VARS2: variants seen among roughly 807,000 people sequenced by gnomAD.
VARS2 encodes the protein valine--tRNA ligase, mitochondrial.
VARS2 carries 105 observed loss-of-function variants against 154.1 expected under a neutral mutation model. The ratio of observed to expected loss-of-function variants is 0.68; its 90% CI spans 0.58 to 0.80. The LOEUF (loss-of-function observed/expected upper bound fraction) is 0.80, where lower values mean the gene tolerates loss of function less well. Ranked by LOEUF, VARS2 falls within the 30% of genes least tolerant of loss-of-function variation. The pLI, the probability that VARS2 is intolerant of heterozygous loss-of-function variation, is 0.00. For synonymous variants in VARS2, 483 were observed against 539.5 expected (o/e 0.90, Z 1.45); for missense variants, 1,157 against 1,361.4 (o/e 0.85, Z 2.36).
Position 30,924,532 on chromosome 6 carries a change from T to G in VARS2, c.2645T>G (p.Val882Gly). The part of the protein sequence containing the change: ...PGCPPAPSIS[V>G]APYPSACSLE... ...TGCCCCCCTGCCCCCAGCATCTCGG[T>G]TGCCCCCTACCCCAGCGCCTGCAGC... Residue 882 changes from valine (V) to glycine (G), a missense_variant, in exon 26 of 30, where the codon GTT becomes GGT. Val to Gly is a moderately radical substitution (Grantham distance 109). Coordinates refer to ENST00000676266, the MANE Select transcript of VARS2 (RefSeq NM_020442.6). 6.4e-7 allele frequency: 1 copy of G among 1,570,338 alleles called. No individual in the cohort carries two copies. The highest frequency in any genetic ancestry group is 8.7e-7 in the Non-Finnish European group (1 of 1,154,140).
rs539596272 is a variant in VARS2, at chr6:30,917,054, G to C, written c.754-51G>C. The stretch of plus-strand genomic sequence containing the variant: ...AAGCAATGCCTGGGTCCCTGAGCAG[G>C]GTGATGGGCTGAGAAGTGGCTCTTA... On this transcript the variant is annotated intron_variant, in intron 8 of 29. Transcript: ENST00000676266. The surrounding 1 kb of genome is among the most constrained non-coding windows in gnomAD (Gnocchi z 4.4). 1 of 1,613,978 alleles carries C rather than the reference G, an allele frequency of 6.2e-7. No individual in the cohort carries two copies. The highest frequency in any genetic ancestry group is 8.5e-7 in the Non-Finnish European group (1 of 1,179,862).
chr6:30,921,263 C>T lies in VARS2; in HGVS notation c.1590C>T (p.Gly530=). 1 of 1,614,066 alleles carries T rather than the reference C, an allele frequency of 6.2e-7. No homozygotes were observed. Among genetic ancestry groups the T allele is most frequent in the Non-Finnish European group, 8.5e-7 (1 of 1,180,014 alleles). The part of the protein sequence containing the change: ...DWCVSRQLWW[G]HQIPAYLVVE... ...GTGTCTCCCGGCAGCTGTGGTGGGGCCATCAGATTCCAGCCTACCTGGTTG... is the reference window on the plus strand; with the variant it reads ...GTGTCTCCCGGCAGCTGTGGTGGGGTCATCAGATTCCAGCCTACCTGGTTG... The change falls in exon 17 of 30, where the codon GGC becomes GGT. Residue 530 remains glycine (G), a synonymous_variant. Transcript: ENST00000676266. The surrounding 1 kb of genome is among the most constrained non-coding windows in gnomAD (Gnocchi z 4.6).
chr6:30,915,502 T>C (rs553433480), intron 4 of VARS2, 47 bp downstream of exon 4: 6 of 1,578,440 alleles, frequency 3.8e-6, no homozygotes, highest in Non-Finnish European at 5.2e-6. Flanking sequence ...CAGGACAGAG[T>C]GGCCCTTGAA....
intron 21 of VARS2, 21 bp downstream of exon 21, chr6:30,922,575 A>G (rs765041909): frequency 3.2e-6 from 5 of 1,558,480 alleles, no homozygotes; most frequent in Non-Finnish European, 2.6e-6. Flanking sequence ...AGCACCCACT[A>G]GAGGGACAAG....
chr6:30,923,199 G>C lies in VARS2; in HGVS notation c.2281G>C (p.Gly761Arg). ...TCTTCGCTTTATCCTCAATGCTTTA[G>C]GGGAGAAATTTGTGCCACAGCCTGC... ...NALRFILNAL[G>R]EKFVPQPAEE... Residue 761 changes from glycine (G) to arginine (R), a missense_variant, in exon 24 of 30, where the codon GGG becomes CGG. By Grantham distance (125) the Gly-to-Arg change is moderately radical. Transcript: ENST00000676266. 1 of 1,613,124 alleles carries C rather than the reference G, an allele frequency of 6.2e-7. No individual in the cohort carries two copies. The highest frequency in any genetic ancestry group is 1.3e-5 in the African/African-American group (1 of 75,060).
In VARS2 at chr6:30,925,585, G is replaced by A. The variant is rs1313548087; in HGVS notation, c.2827G>A (p.Glu943Lys). The A allele has an allele frequency of 3.1e-6, 5 of 1,609,082 alleles. No homozygotes were observed. The highest frequency in any genetic ancestry group is 4.2e-6 in the Non-Finnish European group (5 of 1,178,780). The change falls in exon 28 of 30, where the codon GAG (glutamate) becomes AAG (lysine). Residue 943 changes from glutamate (E) to lysine (K), a missense_variant. Physicochemically the swap from Glu to Lys is moderately conservative, Grantham distance 56 (BLOSUM62 1). Transcript: ENST00000676266. ...SSEPGDQGLF[E>K]AFLEPLGTLG... ...AGAGCCTGGGGACCAGGGCCTCTTC[G>A]AGGCCTTCTTGGAGCCCCTGGGCAC...
intron 4 of VARS2, 123 bp downstream of exon 4, chr6:30,915,578 C>G: frequency 6.9e-7 from 1 of 1,442,614 alleles, no homozygotes; most frequent in Non-Finnish European, 9.4e-7. Flanking sequence ...CTGGTGTCTC[C>G]AAAGATTTCT....
At chr6:30,925,195 G>T in intron 26 of VARS2, 79 bp from the exon 27 acceptor site, 1 of 1,057,454 alleles carries the variant, frequency 9.5e-7, no homozygotes, top group Non-Finnish European at 1.4e-6. Flanking sequence ...GGGTGGATGG[G>T]TCGAGAAGAG....
intron 25 of VARS2, 97 bp downstream of exon 25, chr6:30,923,602 A>T: frequency 6.6e-7 from 1 of 1,506,360 alleles, no homozygotes; most frequent in Non-Finnish European, 8.9e-7. Flanking sequence ...TAAGTTCCCA[A>T]TTGTCCCCTC....
Position 30,917,234 on chromosome 6 carries a change from A to C in VARS2, c.873+10A>C, listed in dbSNP as rs1794236156. 6.2e-7 allele frequency: 1 copy of C among 1,613,962 alleles called. No individual in the cohort carries two copies. Among genetic ancestry groups the C allele is most frequent in the Non-Finnish European group, 8.5e-7 (1 of 1,180,040 alleles). On this transcript the variant is annotated intron_variant, in intron 9 of 29. Coordinates refer to ENST00000676266, the MANE Select transcript of VARS2 (RefSeq NM_020442.6). The surrounding 1 kb of genome is among the most constrained non-coding windows in gnomAD (Gnocchi z 4.4). ...CATCTCGGACATTGAGGTGAGGCGG[A>C]GAGAGGGAAGCAGGTTTGTGAGAGC...
chr6:30,923,833 G>C, intron 25 of VARS2: 1 of 411,438 alleles, frequency 2.4e-6, no homozygotes, highest in Non-Finnish European at 4.4e-6. Context: ...CGTGCTGAGA[G>C]AGGCCTGGGA....
Position 30,917,948 on chromosome 6 carries a change from G to A in VARS2, c.985+142G>A. The A allele has an allele frequency of 1.2e-6, 1 of 820,072 alleles. No homozygotes were observed. The allele number at this position is 820,072 out of a possible 1,614,324, so 50.8% of individuals were successfully genotyped here. A position where few individuals can be genotyped will look rare whatever the true frequency, so the allele number is the denominator to read the frequency against. On this transcript the variant is annotated intron_variant, in intron 10 of 29. Coordinates refer to ENST00000676266, the MANE Select transcript of VARS2 (RefSeq NM_020442.6). This position sits in a 1 kb window ranked among gnomAD's most constrained non-coding sequence, Gnocchi z 4.4. ...TCACCTCAGCGTGGGCACTTACCCA[G>A]GGTCTTCTGGGGGATGTACAAAAAG...
Position 30,915,728 on chromosome 6 carries a change from C to CT in VARS2, c.385-11dup, listed in dbSNP as rs768693531. 3 of 1,612,354 alleles carry CT rather than the reference C, an allele frequency of 1.9e-6. No individual in the cohort carries two copies. The highest frequency in any genetic ancestry group is 1.1e-5 in the South Asian group (1 of 91,090). Reference sequence around the variant, plus strand: ...ATCCAATTCTCTCTTGCCCCTTTGACTTTTTTTCTTCCTCTAGGCCCGGCT... The same window carrying CT: ...ATCCAATTCTCTCTTGCCCCTTTGACTTTTTTTTCTTCCTCTAGGCCCGGCT... On this transcript the variant is annotated splice_polypyrimidine_tract_variant and intron_variant, in intron 4 of 29. Transcript: ENST00000676266.
rs1481963511 is a variant in VARS2 at position 30,921,118 on chromosome 6, G to A, written c.1533G>A (p.Trp511Ter). 5 of 1,614,028 alleles carry A rather than the reference G, an allele frequency of 3.1e-6. No individual in the cohort carries two copies. Among genetic ancestry groups the A allele is most frequent in the Middle Eastern group, 1.6e-4 (1 of 6,062 alleles). ...GTCCCTCCTTCCACCAGAAGAACTGGCAGCACTGGTTTTCCCATATTGGGT... is the reference window on the plus strand; with the variant it reads ...GTCCCTCCTTCCACCAGAAGAACTGACAGCACTGGTTTTCCCATATTGGGT... The part of the protein sequence containing the change: ...ELSPSFHQKN[W>*]QHWFSHIGDW... The change falls in exon 16 of 30, where the codon TGG becomes TGA. Residue 511 changes from tryptophan (W) to a stop codon, truncating the protein, a stop_gained. Transcript: ENST00000676266. LOFTEE classifies it high-confidence loss of function. The surrounding 1 kb of genome is among the most constrained non-coding windows in gnomAD (Gnocchi z 4.6).
In VARS2 at chr6:30,916,920, C is replaced by T. The variant is rs765761684; in HGVS notation, c.714C>T (p.Ala238=). Reference sequence around the variant, plus strand: ...GTGAGCAGCTGCGAGCTCTGGGTGCCTCCCTGGACTGGGATCGAGAGTGTT... The same window carrying T: ...GTGAGCAGCTGCGAGCTCTGGGTGCTTCCCTGGACTGGGATCGAGAGTGTT... The part of the protein sequence containing the change: ...EICEQLRALG[A]SLDWDRECFT... The change falls in exon 8 of 30, where the codon GCC becomes GCT. Residue 238 remains alanine, a synonymous_variant. Coordinates refer to ENST00000676266, the MANE Select transcript of VARS2 (RefSeq NM_020442.6). This position sits in a 1 kb window ranked among gnomAD's most constrained non-coding sequence, Gnocchi z 4.0. The T allele has an allele frequency of 6.2e-7, 1 of 1,614,204 alleles. No homozygotes were observed. Among genetic ancestry groups the T allele is most frequent in the East Asian group, 2.2e-5 (1 of 44,882 alleles).
chr6:30,922,402 A>G (rs1300573583), intron 20 of VARS2, 48 bp from the exon 21 acceptor site: 2 of 1,608,386 alleles, frequency 1.2e-6, no homozygotes, highest in Non-Finnish European at 1.7e-6. Context: ...AGAGATCCCA[A>G]GGCACCTCCA....
At position 30,921,054 on chromosome 6, in the gene VARS2, T is replaced by C. The variant is rs1199258909; in HGVS notation, c.1480-11T>C. On this transcript the variant is annotated splice_polypyrimidine_tract_variant and intron_variant, in intron 15 of 29. Coordinates refer to ENST00000676266, the MANE Select transcript of VARS2 (RefSeq NM_020442.6). The surrounding 1 kb of genome is among the most constrained non-coding windows in gnomAD (Gnocchi z 4.6). ...AAGGGCAACATTGTCTAAAGTCCCC[T>C]TTCTCTCCAGGCTGTGGAGTCGGGG... is the stretch of plus-strand genomic sequence containing the variant. 6.2e-7 allele frequency: 1 copy of C among 1,606,214 alleles called. No homozygotes were observed. The highest frequency in any genetic ancestry group is 8.5e-7 in the Non-Finnish European group (1 of 1,176,238).
In VARS2 at chr6:30,917,747, C is replaced by T; in HGVS notation, c.926C>T (p.Pro309Leu). The change falls in exon 10 of 30, where the codon CCC becomes CTC. Residue 309 changes from proline to leucine, a missense_variant. By Grantham distance (98) the Pro-to-Leu change is moderately conservative. Coordinates refer to ENST00000676266, the MANE Select transcript of VARS2 (RefSeq NM_020442.6). This position sits in a 1 kb window ranked among gnomAD's most constrained non-coding sequence, Gnocchi z 4.4. The part of the protein sequence containing the change: ...GHTQLRLPGC[P>L]TPVSFGLLFS... Reference sequence around the variant, plus strand: ...ACACAGCTTCGACTGCCTGGCTGCCCCACCCCCGTGTCTTTTGGCCTCCTA... The same window carrying T: ...ACACAGCTTCGACTGCCTGGCTGCCTCACCCCCGTGTCTTTTGGCCTCCTA... The T allele has an allele frequency of 6.4e-7, 1 of 1,567,850 alleles. No individual in the cohort carries two copies. Among genetic ancestry groups the T allele is most frequent in the Non-Finnish European group, 8.7e-7 (1 of 1,155,832 alleles).
rs940794077 is a variant in VARS2 at position 30,917,210 on chromosome 6, A to G, written c.859A>G (p.Ile287Val). 20 of 1,614,084 alleles carry G rather than the reference A, an allele frequency of 1.2e-5. No individual in the cohort carries two copies. Among genetic ancestry groups the G allele is most frequent in the Non-Finnish European group, 1.6e-5 (19 of 1,180,040 alleles). The change falls in exon 9 of 30, where the codon ATC becomes GTC. Residue 287 changes from isoleucine (I) to valine (V), a missense_variant. Physicochemically the swap from Ile to Val is conservative, Grantham distance 29. Transcript: ENST00000676266. The surrounding 1 kb of genome is among the most constrained non-coding windows in gnomAD (Gnocchi z 4.4). The part of the protein sequence containing the change: ...VNWSCALRSA[I>V]SDIEVENRPL... ...CTGGTCATGTGCTTTAAGATCAGCCATCTCGGACATTGAGGTGAGGCGGAG... is the reference window on the plus strand; with the variant it reads ...CTGGTCATGTGCTTTAAGATCAGCCGTCTCGGACATTGAGGTGAGGCGGAG...
Sources: gnomAD v4.1 joint callset for allele counts on GRCh38, gnomAD v4.1.1 for gene constraint, Gnocchi (gnomAD v3.1) non-coding constraint, MANE v1.5 for transcripts, NCBI Gene and HGNC (gene_info 2026-07-23, HGNC 2026-07-21) for gene names.